The following ZDHHC15 variants were observed in gnomAD, a reference collection of about 807,000 sequenced individuals.
The protein encoded by ZDHHC15 is palmitoyltransferase ZDHHC15.
ZDHHC15 carries 19 observed loss-of-function variants against 31.7 expected under a neutral mutation model. The observed-to-expected ratio is 0.60, with a 90% CI of 0.42 to 0.88. The LOEUF (loss-of-function observed/expected upper bound fraction) is 0.88. Among genes scored for constraint, ZDHHC15 ranks in the 40% least tolerant of loss-of-function variants. ZDHHC15 has a pLI of 0.00. For synonymous variants in ZDHHC15, 103 were observed against 90.0 expected, an observed-to-expected ratio of 1.14 and a Z score of -0.82; for missense variants, 209 against 251.2, an observed-to-expected ratio of 0.83 and a Z score of 1.14.
chrX:75,434,512 T>G (rs2083824418), intron 4 of ZDHHC15, among the ~76,000 whole-genome samples: 1 of 112,376 alleles, frequency 8.9e-6, no homozygotes, highest in South Asian at 3.7e-4. Context: ...AGTAGATTTT[T>G]GTATATGGTG....
In ZDHHC15 at chrX:75,474,440, TATATATATAC is replaced by T. The variant is rs1468603349; in HGVS notation, c.258+4441_258+4450del. On this transcript the variant is annotated intron_variant, in intron 3 of 11. Transcript: ENST00000373367. ...TACTTAATAAACTCCCCTTTATATA[TATATATATAC>T]ACACACACACACACACACACACATA... 2.1e-4 allele frequency among the ~76,000 whole-genome samples: 9 copies of T among 43,019 alleles called. 1 individual carries two copies. The highest frequency in any genetic ancestry group is 5.0e-4 in the African/African-American group (9 of 18,074). The allele number at this position is 43,019 out of a possible 115,157, so 37.4% of individuals were successfully genotyped here. A position where few individuals can be genotyped will look rare whatever the true frequency, so the allele number is the denominator to read the frequency against.
intron 9 of ZDHHC15, 96 bp from the exon 10 acceptor site, chrX:75,417,286 T>C: frequency 5.4e-6 from 3 of 551,492 alleles, no homozygotes; most frequent in East Asian, 7.2e-5. Context: ...TTCTTAGCCA[T>C]ATTTAGTCTC....
In ZDHHC15 at chrX:75,514,754, C is replaced by T. The variant is rs1368843731; in HGVS notation, c.136+8135G>A. Among the ~76,000 whole-genome samples the T allele has an allele frequency of 6.3e-5, 7 of 111,428 alleles. 1 individual carries two copies. The highest frequency in any genetic ancestry group is 4.7e-3 in the Middle Eastern group (1 of 215). On this transcript the variant is annotated intron_variant, in intron 1 of 11. Transcript: ENST00000373367. ...AGGAGATTATATCCCATGCAAGGCTCGGTGGGTCTCACGCCCATGGAGCCT... is the reference window on the plus strand; with the variant it reads ...AGGAGATTATATCCCATGCAAGGCTTGGTGGGTCTCACGCCCATGGAGCCT...
Position 75,479,878 on chromosome X carries a change from G to C in ZDHHC15, c.164-893C>G, listed in dbSNP as rs1366618246. Among the ~76,000 whole-genome samples, 5 of 111,878 alleles carry C rather than the reference G, an allele frequency of 4.5e-5. No homozygotes were observed. In the Admixed American group the frequency reaches 4.7e-4, roughly 11 times the overall value. On this transcript the variant is annotated intron_variant, in intron 2 of 11. Transcript: ENST00000373367. ...TATGGCTGAATAGTATTCCATTGAA[G>C]ATTATATACTTTTGAAGTGTGGGTT...
At chrX:75,383,978 G>A (rs941230705) in intron 10 of ZDHHC15, among the ~76,000 whole-genome samples, 10 of 109,165 alleles carry the variant, frequency 9.2e-5, no homozygotes, top group Admixed American at 3.9e-4. Context: ...TCCTGGCCTC[G>A]TGATCTGCCC....
chrX:75,440,218 G>A (rs948712492), intron 4 of ZDHHC15, among the ~76,000 whole-genome samples: 1 of 111,585 alleles, frequency 9.0e-6, no homozygotes, highest in Non-Finnish European at 1.9e-5. Context: ...CCCAGGCAGT[G>A]GAATTAGCTG....
chrX:75,375,841 G>C (rs1201289615), intron 11 of ZDHHC15, among the ~76,000 whole-genome samples: 2 of 111,671 alleles, frequency 1.8e-5, no homozygotes, highest in Non-Finnish European at 3.8e-5. Context: ...GCATGTCTTT[G>C]CTGCTGTGAA....
chrX:75,465,530 T>G (rs1483286446), intron 3 of ZDHHC15, among the ~76,000 whole-genome samples: 2 of 111,408 alleles, frequency 1.8e-5, no homozygotes, highest in African/African-American at 6.5e-5. Context: ...AAAGGCACCA[T>G]GCTACAGACT....
chrX:75,401,550 C>A (rs1294146418), intron 10 of ZDHHC15, among the ~76,000 whole-genome samples: 1 of 111,881 alleles, frequency 8.9e-6, no homozygotes, highest in African/African-American at 3.3e-5. Flanking sequence ...GGAGAAAAAT[C>A]TACCAAGCTA....
intron 2 of ZDHHC15, among the ~76,000 whole-genome samples, chrX:75,491,032 T>G (rs2084878906): frequency 8.9e-6 from 1 of 111,880 alleles, no homozygotes; most frequent in Non-Finnish European, 1.9e-5. Flanking sequence ...TTGGTGGGAC[T>G]GTAAACTAGT....
rs146342224 is a variant in ZDHHC15, at chrX:75,426,829, G to T, written c.604-2045C>A. On this transcript the variant is annotated intron_variant, in intron 7 of 11. Coordinates refer to ENST00000373367, the MANE Select transcript of ZDHHC15 (RefSeq NM_144969.3). Reference sequence around the variant, plus strand: ...TGTAAATTCATGGGGCTTAGGGTCCGACTTAGGTGAAAGTCCTAACTTTGG... The same window carrying T: ...TGTAAATTCATGGGGCTTAGGGTCCTACTTAGGTGAAAGTCCTAACTTTGG... 5.3e-4 allele frequency among the ~76,000 whole-genome samples: 59 copies of T among 111,160 alleles called. 1 individual carries two copies. Among genetic ancestry groups the T allele is most frequent in the African/African-American group, 1.8e-3 (55 of 30,670 alleles).
chrX:75,508,989 G>A (rs2085216068), intron 1 of ZDHHC15, among the ~76,000 whole-genome samples: 2 of 110,727 alleles, frequency 1.8e-5, no homozygotes, highest in Admixed American at 1.9e-4. Context: ...CTTTTTGATG[G>A]GGTTGTTTGT....
At chrX:75,494,122 A>T (rs1326805101) in intron 2 of ZDHHC15, among the ~76,000 whole-genome samples, 1 of 111,431 alleles carries the variant, frequency 9.0e-6, no homozygotes, top group Non-Finnish European at 1.9e-5. Context: ...AATCACAAGC[A>T]TTCTTATACA....
chrX:75,488,744 G>T (rs1258816935), intron 2 of ZDHHC15, among the ~76,000 whole-genome samples: 2 of 111,979 alleles, frequency 1.8e-5, no homozygotes, highest in Non-Finnish European at 3.8e-5. Context: ...GTCGGAAACT[G>T]GGTTCAGGAC....
intron 3 of ZDHHC15, among the ~76,000 whole-genome samples, chrX:75,463,475 C>T (rs1602669541): frequency 1.8e-5 from 2 of 110,584 alleles, no homozygotes; most frequent in African/African-American, 6.6e-5. Context: ...AAAGAAACTA[C>T]CATCAGAGTG....
chrX:75,441,780 C>T (rs1031146707), intron 4 of ZDHHC15, among the ~76,000 whole-genome samples: 30 of 109,872 alleles, frequency 2.7e-4, no homozygotes, highest in African/African-American at 6.3e-4. Flanking sequence ...CCCGCCACTG[C>T]GCACGGCTAA....
chrX:75,483,916 G>A (rs1160033275), intron 2 of ZDHHC15, among the ~76,000 whole-genome samples: 2 of 111,220 alleles, frequency 1.8e-5, no homozygotes, highest in Admixed American at 1.9e-4. Context: ...GCTTGCTAAG[G>A]AAGTGGAAGG....
chrX:75,420,627 CAA>C (rs968086892), intron 9 of ZDHHC15, among the ~76,000 whole-genome samples: 1 of 110,880 alleles, frequency 9.0e-6, no homozygotes, highest in African/African-American at 3.3e-5. Flanking sequence ...ATGCAACCAT[CAA>C]AAAAATGAGT....
chrX:75,465,259 G>T (rs1332572542), intron 3 of ZDHHC15, among the ~76,000 whole-genome samples: 1 of 111,066 alleles, frequency 9.0e-6, no homozygotes, highest in Non-Finnish European at 1.9e-5. Context: ...AGAAGTGAAA[G>T]ACTTCTTCAA....
Sources: gnomAD v4.1 joint callset for allele counts (sites outside exome capture counted in the v4.1 genomes callset) on GRCh38, gnomAD v4.1.1 for gene constraint, MANE v1.5 for transcripts, NCBI Gene and HGNC (gene_info 2026-07-23, HGNC 2026-07-21) for gene names.